The following MAGI1 variants were observed in gnomAD, a reference collection of about 807,000 sequenced individuals.
The protein encoded by MAGI1 is membrane associated guanylate kinase, WW and PDZ domain containing 1, also known as membrane-associated guanylate kinase, WW and PDZ domain-containing protein 1.
Under a neutral mutation model 139.9 loss-of-function variants are expected in MAGI1, and 58 were observed. The observed-to-expected ratio is 0.41, with a 90% CI of 0.34 to 0.52. MAGI1 has a LOEUF of 0.52. Among genes scored for constraint, MAGI1 ranks in the 20% least tolerant of loss-of-function variants. MAGI1 has a pLI of 0.12. For missense variants in MAGI1, 1,874 were observed against 1,901.6 expected, an observed-to-expected ratio of 0.99 and a Z score of 0.27; for synonymous variants, 812 against 737.9, an observed-to-expected ratio of 1.10 and a Z score of -1.63.
intron 14 of MAGI1, among the ~76,000 whole-genome samples, chr3:65,388,211 C>T (rs1343567867): frequency 1.3e-5 from 2 of 152,086 alleles, no homozygotes; most frequent in Admixed American, 1.3e-4. Context: ...TGAGAGATGG[C>T]CATATCAAAA....
intron 1 of MAGI1, among the ~76,000 whole-genome samples, chr3:65,956,317 T>TA (rs1322344099): frequency 6.6e-6 from 1 of 152,152 alleles, no homozygotes; most frequent in Non-Finnish European, 1.5e-5. Context: ...TGACATCCCT[T>TA]TGCAGATAAG....
At chr3:65,511,821 G>A (rs1365313208) in intron 2 of MAGI1, among the ~76,000 whole-genome samples, 5 of 133,106 alleles carry the variant, frequency 3.8e-5, no homozygotes, top group African/African-American at 1.4e-4. Flanking sequence ...GACATCTACA[G>A]AACTCTCCAC....
chr3:65,515,866 T>C (rs1163349528), intron 2 of MAGI1, among the ~76,000 whole-genome samples: 2 of 152,202 alleles, frequency 1.3e-5, no homozygotes, highest in Non-Finnish European at 1.5e-5. Context: ...GGCACTTACA[T>C]GCTTCAGGTT....
intron 12 of MAGI1, among the ~76,000 whole-genome samples, chr3:65,425,728 T>A (rs745706585): frequency 6.6e-6 from 1 of 152,148 alleles, no homozygotes; most frequent in Admixed American, 6.6e-5. Context: ...AACGGAGTGT[T>A]GTGACTCAAC....
At chr3:65,612,500 T>C (rs2083175275) in intron 2 of MAGI1, among the ~76,000 whole-genome samples, 1 of 152,122 alleles carries the variant, frequency 6.6e-6, no homozygotes, top group Admixed American at 6.6e-5. Flanking sequence ...TAATTTTAAA[T>C]GCAATAAAAA....
intron 2 of MAGI1, among the ~76,000 whole-genome samples, chr3:65,612,225 A>G (rs1028997722): frequency 6.6e-6 from 1 of 152,080 alleles, no homozygotes; most frequent in South Asian, 2.1e-4. Flanking sequence ...TTCCTTTTAT[A>G]GAAAATATCA....
chr3:65,718,630 A>G (rs1388772358), intron 1 of MAGI1: 1 of 152,218 alleles, frequency 6.6e-6, no homozygotes, highest in Non-Finnish European at 1.5e-5. Flanking sequence ...ATGAAAGATG[A>G]CAAAGATTTC....
At chr3:65,474,120 C>G (rs973490600) in intron 4 of MAGI1, among the ~76,000 whole-genome samples, 2 of 152,040 alleles carry the variant, frequency 1.3e-5, no homozygotes, top group Non-Finnish European at 2.9e-5. Context: ...TAAAAATTAG[C>G]CGGGTGTAGT....
At chr3:65,634,477 C>T (rs1301132774) in intron 1 of MAGI1, among the ~76,000 whole-genome samples, 1 of 152,168 alleles carries the variant, frequency 6.6e-6, no homozygotes, top group African/African-American at 2.4e-5. Context: ...TCAAGCGAGG[C>T]TTGATTAGTT....
In MAGI1 at chr3:65,925,350, A is replaced by C. The variant is rs1316633752; in HGVS notation, c.313+112646T>G. 4.6e-5 allele frequency: 7 copies of C among 152,202 alleles called. No homozygotes were observed. In the South Asian group the frequency reaches 1.4e-3, roughly 31 times the overall value. The allele number at this position is 152,202 out of a possible 1,614,324, so 9.4% of individuals were successfully genotyped here. A position where few individuals can be genotyped will look rare whatever the true frequency, so the allele number is the denominator to read the frequency against. On this transcript the variant is annotated intron_variant, in intron 1 of 22. Transcript: ENST00000402939. ...TTGTTTTTGTATTACTTATACACAAAAAGCTGGCTGAAAGGCCAAACAGAA... is the reference window on the plus strand; with the variant it reads ...TTGTTTTTGTATTACTTATACACAACAAGCTGGCTGAAAGGCCAAACAGAA...
intron 2 of MAGI1, among the ~76,000 whole-genome samples, chr3:65,602,537 AGT>A (rs2082531246): frequency 6.6e-6 from 1 of 152,088 alleles, no homozygotes; most frequent in Non-Finnish European, 1.5e-5. Flanking sequence ...TAGCTGTGGG[AGT>A]TAGAAGGAAA....
chr3:65,450,207 A>G (rs1398891922), intron 6 of MAGI1, among the ~76,000 whole-genome samples: 1 of 152,162 alleles, frequency 6.6e-6, no homozygotes, highest in East Asian at 1.9e-4. Flanking sequence ...TCAGAGTAGC[A>G]AGCTATGGAC....
chr3:65,896,986 T>C (rs1158740640), intron 1 of MAGI1, among the ~76,000 whole-genome samples: 1 of 152,160 alleles, frequency 6.6e-6, no homozygotes, highest in Non-Finnish European at 1.5e-5. Flanking sequence ...AATCCACAGA[T>C]GCTCACATCT....
intron 5 of MAGI1, 62 bp downstream of exon 5, chr3:65,470,221 C>T: frequency 3.4e-6 from 4 of 1,193,850 alleles, no homozygotes; most frequent in Non-Finnish European, 3.7e-6. Flanking sequence ...AACTGCTAGA[C>T]AGAGGGAAGG....
At chr3:65,457,116 C>T (rs890895944) in intron 5 of MAGI1, among the ~76,000 whole-genome samples, 1 of 152,008 alleles carries the variant, frequency 6.6e-6, no homozygotes, top group African/African-American at 2.4e-5. Context: ...TACATTAAAC[C>T]TGTATATCCA....
At chr3:65,413,216 T>C (rs973280931) in intron 12 of MAGI1, among the ~76,000 whole-genome samples, 1 of 152,192 alleles carries the variant, frequency 6.6e-6, no homozygotes. Context: ...TCCAGCTTGC[T>C]CTGGAGGGGG....
At chr3:65,434,075 T>A (rs1158904123) in intron 10 of MAGI1, among the ~76,000 whole-genome samples, 1 of 152,118 alleles carries the variant, frequency 6.6e-6, no homozygotes, top group East Asian at 1.9e-4. Flanking sequence ...ACAAATGAGG[T>A]ATCCCACAAA....
intron 1 of MAGI1, among the ~76,000 whole-genome samples, chr3:65,798,070 C>A (rs752169934): frequency 6.6e-6 from 1 of 152,118 alleles, no homozygotes; most frequent in African/African-American, 2.4e-5. Flanking sequence ...CTTTGGGAGG[C>A]CAAGGCAGGC....
intron 1 of MAGI1, among the ~76,000 whole-genome samples, chr3:65,899,080 A>G (rs1002693231): frequency 6.6e-6 from 1 of 151,726 alleles, no homozygotes; most frequent in African/African-American, 2.4e-5. Flanking sequence ...CACCACCACC[A>G]CGCTCAGCTA....
Sources: allele counts gnomAD v4.1 joint callset (sites outside exome capture counted in the v4.1 genomes callset), GRCh38; gene constraint gnomAD v4.1.1; transcripts MANE v1.5; gene names NCBI Gene and HGNC (gene_info 2026-07-23, HGNC 2026-07-21).